Variants in EXOC6B observed in about 807,000 individuals in gnomAD.
EXOC6B encodes the protein SEC15 homolog B.
A neutral mutation model predicts 113.5 loss-of-function variants in EXOC6B; 54 were observed. The ratio of observed to expected loss-of-function variants is 0.48; its 90% confidence interval spans 0.38 to 0.60. EXOC6B has a LOEUF of 0.60. EXOC6B is among the 20% of genes least tolerant of loss of function. The probability of loss-of-function intolerance (pLI) is 0.00; values close to 1 mark genes in which losing one functional copy is unlikely to be tolerated. For missense variants in EXOC6B, 797 were observed against 977.5 expected (o/e 0.82, Z 2.46); for synonymous variants, 357 against 339.0 (o/e 1.05, Z -0.58).
intron 6 of EXOC6B, among the ~76,000 whole-genome samples, chr2:72,706,278 C>T (rs1361522859): frequency 1.3e-5 from 2 of 152,156 alleles, no homozygotes; most frequent in Admixed American, 6.5e-5. Flanking sequence ...TCATTCACCC[C>T]GCCAAAAAAA....
At chr2:72,748,528 C>A (rs1235695256) in intron 1 of EXOC6B, among the ~76,000 whole-genome samples, 2 of 151,988 alleles carry the variant, frequency 1.3e-5, no homozygotes, top group East Asian at 3.9e-4. Context: ...TCATCAATGA[C>A]AGGAGAAGCA....
At chr2:72,378,768 T>C (rs866610824) in intron 19 of EXOC6B, among the ~76,000 whole-genome samples, 19 of 147,500 alleles carry the variant, frequency 1.3e-4, no homozygotes, top group African/African-American at 4.2e-4. Flanking sequence ...TTAATTTTCT[T>C]AGAATAAAAA....
At chr2:72,821,992 T>C (rs1400136813) in intron 1 of EXOC6B, among the ~76,000 whole-genome samples, 1 of 152,210 alleles carries the variant, frequency 6.6e-6, no homozygotes, top group Non-Finnish European at 1.5e-5. Flanking sequence ...TTAATGGCAA[T>C]GTATTTCAAT....
intron 20 of EXOC6B, among the ~76,000 whole-genome samples, chr2:72,251,141 CT>C (rs1298764480): frequency 8.3e-6 from 1 of 120,304 alleles, no homozygotes; most frequent in Admixed American, 9.0e-5. Flanking sequence ...CCTTTTTTTC[CT>C]TTTGCTGTCT....
In EXOC6B at chr2:72,480,077, G is replaced by A. The variant is rs762724992; in HGVS notation, c.1800+539C>T. On this transcript the variant is annotated intron_variant, in intron 17 of 21. Transcript: ENST00000272427. ...AAATTAGCCGGGCATGGTGGCACACGCCTATAATCTCAACTACTTGGGAGG... is the reference window on the plus strand; with the variant it reads ...AAATTAGCCGGGCATGGTGGCACACACCTATAATCTCAACTACTTGGGAGG... 4.0e-5 allele frequency among the ~76,000 whole-genome samples: 6 copies of A among 151,890 alleles called. No homozygotes were observed. The South Asian group carries it at 6.2e-4, about 16-fold the overall frequency.
intron 16 of EXOC6B, among the ~76,000 whole-genome samples, 197 bp from the exon 17 acceptor site, chr2:72,480,947 C>T (rs1445206684): frequency 1.3e-5 from 2 of 152,134 alleles, no homozygotes; most frequent in Non-Finnish European, 2.9e-5. Context: ...GGCTTTGTGT[C>T]CCCACCCAAA....
At chr2:72,766,112 T>A (rs1383666418) in intron 1 of EXOC6B, among the ~76,000 whole-genome samples, 1 of 152,170 alleles carries the variant, frequency 6.6e-6, no homozygotes, top group Admixed American at 6.5e-5. Flanking sequence ...AAGAAAAGAA[T>A]TAAGGATCTA....
chr2:72,360,882 G>A (rs1425246717), intron 19 of EXOC6B, among the ~76,000 whole-genome samples: 1 of 136,412 alleles, frequency 7.3e-6, no homozygotes, highest in Non-Finnish European at 1.5e-5. Context: ...AGTGAGCTGA[G>A]ATCACACCAT....
intron 18 of EXOC6B, among the ~76,000 whole-genome samples, chr2:72,405,448 G>C (rs529217360): frequency 6.6e-6 from 1 of 152,328 alleles, no homozygotes; most frequent in East Asian, 1.9e-4. Context: ...AGGGCAGCCA[G>C]AGAGAAAGGT....
At chr2:72,654,979 C>G (rs1674479241) in intron 6 of EXOC6B, among the ~76,000 whole-genome samples, 1 of 152,144 alleles carries the variant, frequency 6.6e-6, no homozygotes, top group Non-Finnish European at 1.5e-5. Flanking sequence ...ACATATTTAT[C>G]TTTTGAAAAT....
At chr2:72,338,970 C>CACAT (rs1420689268) in intron 19 of EXOC6B, among the ~76,000 whole-genome samples, 3 of 87,750 alleles carry the variant, frequency 3.4e-5, no homozygotes, top group Non-Finnish European at 7.7e-5. Context: ...CACATACATA[C>CACAT]ACATACACAT....
chr2:72,676,780 G>C (rs1013297737), intron 6 of EXOC6B, among the ~76,000 whole-genome samples: 1 of 152,118 alleles, frequency 6.6e-6, no homozygotes, highest in Non-Finnish European at 1.5e-5. Flanking sequence ...TAACCAAAGA[G>C]GGCAAGAAAA....
intron 20 of EXOC6B, among the ~76,000 whole-genome samples, chr2:72,273,784 T>C (rs1012334831): frequency 6.6e-6 from 1 of 152,080 alleles, no homozygotes; most frequent in Non-Finnish European, 1.5e-5. Flanking sequence ...GTGATAGACC[T>C]TGAAGAGTTT....
intron 6 of EXOC6B, among the ~76,000 whole-genome samples, chr2:72,578,925 GT>G (rs1705037265): frequency 6.6e-6 from 1 of 152,080 alleles, no homozygotes; most frequent in African/African-American, 2.4e-5. Flanking sequence ...ATATAAAGCA[GT>G]TTCAATGTTA....
chr2:72,449,915 T>C (rs944691473), intron 18 of EXOC6B, among the ~76,000 whole-genome samples: 5 of 152,200 alleles, frequency 3.3e-5, no homozygotes, highest in African/African-American at 1.2e-4. Flanking sequence ...CACAATGTTG[T>C]CCATGAATTA....
intron 20 of EXOC6B, among the ~76,000 whole-genome samples, chr2:72,224,994 G>GTGTGTGTGTGTATATATATATA (rs908047817): frequency 1.5e-5 from 2 of 137,256 alleles, no homozygotes; most frequent in African/African-American, 2.6e-5. Context: ...GTGTGTGTGT[G>GTGTGTGTGTGTATATATATATA]TATATATATA....
At chr2:72,260,939 T>A (rs1325450475) in intron 20 of EXOC6B, among the ~76,000 whole-genome samples, 1 of 152,214 alleles carries the variant, frequency 6.6e-6, no homozygotes, top group African/African-American at 2.4e-5. Flanking sequence ...ACTCTGCATG[T>A]GTCTGTTGCA....
intron 6 of EXOC6B, among the ~76,000 whole-genome samples, chr2:72,671,755 G>GAAAA (rs1675830788): frequency 6.8e-5 from 1 of 14,664 alleles, no homozygotes; most frequent in African/African-American, 1.1e-4. Flanking sequence ...GACAGAGAAA[G>GAAAA]AAAGAAAGAA....
At chr2:72,210,541 C>T (rs573327063) in intron 20 of EXOC6B, among the ~76,000 whole-genome samples, 1 of 152,330 alleles carries the variant, frequency 6.6e-6, no homozygotes, top group South Asian at 2.1e-4. Context: ...CCTCTCCTGA[C>T]CTGCCATCTA....
Sources: gnomAD v4.1 joint callset for allele counts (sites outside exome capture counted in the v4.1 genomes callset) on GRCh38, gnomAD v4.1.1 for gene constraint, MANE v1.5 for transcripts, NCBI Gene and HGNC (gene_info 2026-07-23, HGNC 2026-07-21) for gene names.